Variants in MRC1 observed in about 807,000 individuals in gnomAD.
MRC1 encodes the protein mannose receptor C-type 1.
In MRC1, 62 loss-of-function variants were observed where a neutral mutation model predicts 102.9. That is an observed-to-expected ratio of 0.60 (90% CI 0.49 to 0.74). The LOEUF (loss-of-function observed/expected upper bound fraction) is 0.74, where lower values mean the gene tolerates loss of function less well. Ranked by LOEUF, MRC1 falls within the 30% of genes least tolerant of loss-of-function variation. MRC1 has a pLI of 0.00. For missense variants in MRC1, 1,237 were observed against 862.8 expected (o/e 1.43, Z -5.43); for synonymous variants, 457 against 298.4 (o/e 1.53, Z -5.48).
In MRC1 at chr10:17,853,592, GTGTGTGTGTA is replaced by G. The variant is rs1356510226; in HGVS notation, c.1407+470_1407+479del. Among the ~76,000 whole-genome samples the G allele has an allele frequency of 8.0e-5, 11 of 138,292 alleles. No homozygotes were observed. The East Asian group carries it at 1.2e-3, about 15-fold the overall frequency. 90.7% of individuals were successfully genotyped at this position (138,292 alleles called of 152,430 possible). A position where few individuals can be genotyped will look rare whatever the true frequency, so the allele number is the denominator to read the frequency against. On this transcript the variant is annotated intron_variant, in intron 8 of 29. Transcript: ENST00000569591. Reference sequence around the variant, plus strand: ...TATGTATGTGTGTGTGTGTGTGTGTGTGTGTGTGTATATATATATATATGTAAAAAGAGAT... The same window carrying G: ...TATGTATGTGTGTGTGTGTGTGTGTGTATATATATATATGTAAAAAGAGAT...
chr10:17,909,406 T>C, intron 29 of MRC1, 59 bp downstream of exon 29: 5 of 820,184 alleles, frequency 6.1e-6, no homozygotes, highest in Non-Finnish European at 1.1e-5. Flanking sequence ...CTGTTTGTTT[T>C]AAAAGGCATA....
At chr10:17,816,438 C>T (rs961846441) in intron 1 of MRC1, among the ~76,000 whole-genome samples, 46 of 152,216 alleles carry the variant, frequency 3.0e-4, no homozygotes, top group Middle Eastern at 3.4e-3. Flanking sequence ...CTCTGGGCGA[C>T]GGTGTGGAAT....
intron 1 of MRC1, among the ~76,000 whole-genome samples, chr10:17,818,267 C>T (rs1353351547): frequency 2.0e-4 from 30 of 152,188 alleles, no homozygotes; most frequent in African/African-American, 5.3e-4. Flanking sequence ...AAGATGCTTC[C>T]GCTTAATAAA....
chr10:17,821,208 C>G (rs372346978), intron 1 of MRC1, among the ~76,000 whole-genome samples: 5,904 of 152,062 alleles, frequency 0.039, 151 homozygotes, highest in Non-Finnish European at 0.048. Flanking sequence ...ACTAGGAACC[C>G]AGGTGGCATA....
chr10:17,880,681 A>G lies in MRC1; in HGVS notation c.2865+11A>G, dbSNP rs1554842367. 1 of 780,822 alleles carries G rather than the reference A, an allele frequency of 1.3e-6. No individual in the cohort carries two copies. The highest frequency in any genetic ancestry group is 2.4e-5 in the East Asian group (1 of 41,244). The allele number at this position is 780,822 out of a possible 1,614,324, so 48.4% of individuals were successfully genotyped here. Reference sequence around the variant, plus strand: ...TTCTACAGCAACAAGGTACTAGGAAAATTAGTTGCAATCTTGGCACTGATC... The same window carrying G: ...TTCTACAGCAACAAGGTACTAGGAAGATTAGTTGCAATCTTGGCACTGATC... On this transcript the variant is annotated intron_variant, in intron 20 of 29. Coordinates refer to ENST00000569591, the MANE Select transcript of MRC1 (RefSeq NM_002438.4).
In MRC1 at chr10:17,830,351, C is replaced by G. The variant is rs979768564; in HGVS notation, c.637+2636C>G. Among the ~76,000 whole-genome samples, 1,204 of 151,286 alleles carry G rather than the reference C, an allele frequency of 8.0e-3. 14 individuals are homozygous for G. The highest frequency in any genetic ancestry group is 0.013 in the Non-Finnish European group (878 of 68,018). ...TTCACCATGTTGCCCAGGCTGGTCTCGAACTCCTGACCTCAAATGATCCAC... is the reference window on the plus strand; with the variant it reads ...TTCACCATGTTGCCCAGGCTGGTCTGGAACTCCTGACCTCAAATGATCCAC... On this transcript the variant is annotated intron_variant, in intron 3 of 29. Coordinates refer to ENST00000569591, the MANE Select transcript of MRC1 (RefSeq NM_002438.4).
rs1838190543 is a variant in MRC1, at chr10:17,809,511, G to A, written c.46G>A (p.Ala16Thr). Reference protein sequence around the residue: ...LLVFASVIPGAVLLLDTRQFL... With the variant: ...LLVFASVIPGTVLLLDTRQFL... ...GGTTTTTGCCTCTGTCATTCCGGGT[G>A]CTGTTCTCCTACTGGGTAAGTCTGC... The change falls in exon 1 of 30, where the codon GCT becomes ACT. Residue 16 changes from alanine to threonine, a missense_variant. Physicochemically the swap from Ala to Thr is moderately conservative, Grantham distance 58. Transcript: ENST00000569591. 5 of 872,666 alleles carry A rather than the reference G, an allele frequency of 5.7e-6. No individual in the cohort carries two copies. Among genetic ancestry groups the A allele is most frequent in the South Asian group, 2.6e-5 (2 of 76,534 alleles). 54.1% of individuals were successfully genotyped at this position (872,666 alleles called of 1,614,324 possible).
intron 24 of MRC1, among the ~76,000 whole-genome samples, chr10:17,898,647 A>C (rs691842): frequency 0.91 from 137,551 of 151,908 alleles, 62,312 homozygotes; most frequent in Non-Finnish European, 0.92. Flanking sequence ...GATGGGGACA[A>C]TTTTTTTTTG....
At chr10:17,825,468 T>C (rs1838461154) in intron 2 of MRC1, among the ~76,000 whole-genome samples, 1 of 152,118 alleles carries the variant, frequency 6.6e-6, no homozygotes, top group African/African-American at 2.4e-5. Context: ...CTGGCAGGCG[T>C]GGTGGCTCAC....
At chr10:17,907,505 T>C (rs1833911591) in intron 27 of MRC1, 29 bp from the exon 28 acceptor site, 5 of 780,450 alleles carry the variant, frequency 6.4e-6, no homozygotes, top group South Asian at 5.4e-5. Flanking sequence ...ATTTAACTTT[T>C]GTCTTTATTG....
intron 15 of MRC1, among the ~76,000 whole-genome samples, chr10:17,873,262 A>G (rs1289717904): frequency 6.6e-6 from 1 of 152,216 alleles, no homozygotes; most frequent in African/African-American, 2.4e-5. Flanking sequence ...TACATTTTCT[A>G]TTTTATAAAT....
intron 9 of MRC1, among the ~76,000 whole-genome samples, chr10:17,860,799 G>A (rs917722271): frequency 1.9e-4 from 29 of 152,124 alleles, no homozygotes; most frequent in Non-Finnish European, 3.2e-4. Flanking sequence ...CTCAGTAAAC[G>A]TTTCACAAAT....
At chr10:17,888,400 G>A (rs941310851) in intron 22 of MRC1, among the ~76,000 whole-genome samples, 57 of 152,302 alleles carry the variant, frequency 3.7e-4, no homozygotes, top group African/African-American at 1.3e-3. Context: ...AGTGTAGGCT[G>A]TGATTCACTG....
intron 26 of MRC1, among the ~76,000 whole-genome samples, chr10:17,905,271 A>G (rs1833880676): frequency 1.3e-5 from 2 of 152,202 alleles, no homozygotes; most frequent in South Asian, 2.1e-4. Flanking sequence ...TTAAAACACT[A>G]TAAAACTCAC....
At chr10:17,811,936 A>C (rs1554837475) in intron 1 of MRC1, among the ~76,000 whole-genome samples, 1 of 151,712 alleles carries the variant, frequency 6.6e-6, no homozygotes, top group Non-Finnish European at 1.5e-5. Flanking sequence ...TGATTGGAGG[A>C]ATTTGTGTAA....
At chr10:17,868,849 G>A (rs1833315554) in intron 12 of MRC1, among the ~76,000 whole-genome samples, 1 of 152,158 alleles carries the variant, frequency 6.6e-6, no homozygotes. Context: ...TACATAGAAG[G>A]CGATGTATTG....
chr10:17,909,142 CT>C (rs1267438100), intron 28 of MRC1, among the ~76,000 whole-genome samples, 163 bp from the exon 29 acceptor site: 41 of 151,884 alleles, frequency 2.7e-4, no homozygotes, highest in Non-Finnish European at 3.5e-4. Flanking sequence ...AGGTACAGAT[CT>C]TTTTTTTCTA....
intron 18 of MRC1, among the ~76,000 whole-genome samples, chr10:17,878,819 T>C (rs1308396831): frequency 1.3e-5 from 2 of 152,100 alleles, no homozygotes; most frequent in African/African-American, 4.8e-5. Flanking sequence ...TGCACCACCA[T>C]ACCCCACAGG....
At chr10:17,840,357 A>T (rs1171301446) in intron 4 of MRC1, among the ~76,000 whole-genome samples, 1 of 152,220 alleles carries the variant, frequency 6.6e-6, no homozygotes, top group African/African-American at 2.4e-5. Context: ...GGTAACACCT[A>T]TTCATATTCA....
Sources: gnomAD v4.1 joint callset for allele counts (sites outside exome capture counted in the v4.1 genomes callset) on GRCh38, gnomAD v4.1.1 for gene constraint, MANE v1.5 for transcripts, NCBI Gene and HGNC (gene_info 2026-07-23, HGNC 2026-07-21) for gene names.